SLC14A2: variants seen among roughly 807,000 people sequenced by gnomAD.
SLC14A2 encodes the protein urea transporter 2.
SLC14A2 carries 91 observed loss-of-function variants against 104.6 expected under a neutral mutation model. The ratio of observed to expected loss-of-function variants is 0.87; its 90% CI spans 0.73 to 1.04. The LOEUF is 1.04. Among genes scored for constraint, SLC14A2 ranks in the 50% least tolerant of loss-of-function variants. SLC14A2 has a pLI of 0.00. For missense variants in SLC14A2, 1,189 were observed against 1,156.0 expected, an observed-to-expected ratio of 1.03 and a Z score of -0.41; for synonymous variants, 476 against 466.4, an observed-to-expected ratio of 1.02 and a Z score of -0.27.
intron 2 of SLC14A2, among the ~76,000 whole-genome samples, chr18:45,526,889 A>T (rs1277231115): frequency 6.6e-6 from 1 of 152,222 alleles, no homozygotes; most frequent in African/African-American, 2.4e-5. Flanking sequence ...GCATGAATAG[A>T]GAAAACTTAA....
At chr18:45,224,380 G>T (rs2084093402) in intron 1 of SLC14A2, among the ~76,000 whole-genome samples, 1 of 152,218 alleles carries the variant, frequency 6.6e-6, no homozygotes, top group Non-Finnish European at 1.5e-5. Flanking sequence ...AACCTTGAAA[G>T]CTTATCACGA....
chr18:45,649,298 A>C (rs2045688023), intron 10 of SLC14A2, among the ~76,000 whole-genome samples: 1 of 152,234 alleles, frequency 6.6e-6, no homozygotes, highest in African/African-American at 2.4e-5. Flanking sequence ...TGAGGAACTA[A>C]GGCCTTTGAA....
At chr18:45,429,561 C>G (rs981111745) in intron 1 of SLC14A2, among the ~76,000 whole-genome samples, 4 of 152,190 alleles carry the variant, frequency 2.6e-5, no homozygotes, top group Non-Finnish European at 4.4e-5. Context: ...GTGATATGGA[C>G]AGCAAGTAGC....
chr18:45,390,684 A>G (rs921127461), intron 1 of SLC14A2, among the ~76,000 whole-genome samples: 1 of 152,114 alleles, frequency 6.6e-6, no homozygotes, highest in African/African-American at 2.4e-5. Flanking sequence ...TTCAGATGGG[A>G]TGGTCAGGTC....
At chr18:45,541,999 A>T (rs892333415) in intron 2 of SLC14A2, among the ~76,000 whole-genome samples, 2 of 129,420 alleles carry the variant, frequency 1.5e-5, no homozygotes, top group African/African-American at 5.7e-5. Context: ...TACAAGGAGC[A>T]TCTTTCCTAG....
the SLC14A2 span, among the ~76,000 whole-genome samples, chr18:45,190,606 T>C: frequency 6.6e-6 from 1 of 152,180 alleles, no homozygotes; most frequent in Non-Finnish European, 1.5e-5. Flanking sequence ...CTGGTTCACT[T>C]CCTGGTTTGT....
chr18:45,179,305 T>C, the SLC14A2 span, among the ~76,000 whole-genome samples: 1 of 152,182 alleles, frequency 6.6e-6, no homozygotes, highest in Admixed American at 6.5e-5. Flanking sequence ...GATGTGGCCT[T>C]CTGTCATCGC....
intron 1 of SLC14A2, among the ~76,000 whole-genome samples, chr18:45,421,905 C>A (rs184921959): frequency 6.6e-5 from 10 of 152,316 alleles, no homozygotes; most frequent in Admixed American, 5.9e-4. Flanking sequence ...TTTCAGCAGA[C>A]AAGGTAGGCT....
At chr18:45,577,429 T>G (rs1351183800) in intron 2 of SLC14A2, among the ~76,000 whole-genome samples, 1 of 152,174 alleles carries the variant, frequency 6.6e-6, no homozygotes, top group Non-Finnish European at 1.5e-5. Context: ...TCAAGAGAAT[T>G]GGACTTCACC....
chr18:45,578,920 G>A (rs2044451607), intron 2 of SLC14A2, among the ~76,000 whole-genome samples: 1 of 152,228 alleles, frequency 6.6e-6, no homozygotes, highest in Admixed American at 6.5e-5. Flanking sequence ...GTGTCTGTGG[G>A]CAGCTAGAAG....
At chr18:45,660,758 A>G (rs2045924109) in intron 10 of SLC14A2, among the ~76,000 whole-genome samples, 1 of 152,214 alleles carries the variant, frequency 6.6e-6, no homozygotes, top group South Asian at 2.1e-4. Flanking sequence ...TCATTTCTAA[A>G]CATTTGATAG....
intron 1 of SLC14A2, among the ~76,000 whole-genome samples, chr18:45,339,558 A>G (rs1221573379): frequency 6.6e-6 from 1 of 151,986 alleles, no homozygotes; most frequent in Non-Finnish European, 1.5e-5. Flanking sequence ...AAATGAACAC[A>G]CACACACACA....
chr18:45,469,629 T>C (rs747096055), intron 1 of SLC14A2, among the ~76,000 whole-genome samples: 1 of 152,306 alleles, frequency 6.6e-6, no homozygotes, highest in East Asian at 1.9e-4. Flanking sequence ...ATTAATTGTT[T>C]CCTGTGCCTG....
intron 1 of SLC14A2, among the ~76,000 whole-genome samples, chr18:45,344,056 T>A (rs2085423374): frequency 6.6e-6 from 1 of 152,232 alleles, no homozygotes; most frequent in Non-Finnish European, 1.5e-5. Flanking sequence ...ATAACTTTCA[T>A]CAAAGTATGT....
At chr18:45,242,214 C>G (rs919402349) in intron 1 of SLC14A2, among the ~76,000 whole-genome samples, 1 of 152,140 alleles carries the variant, frequency 6.6e-6, no homozygotes, top group Non-Finnish European at 1.5e-5. Context: ...TTGTAATTTC[C>G]TCACACTGTA....
intron 1 of SLC14A2, among the ~76,000 whole-genome samples, chr18:45,482,887 T>C (rs2087523417): frequency 1.3e-5 from 2 of 152,194 alleles, no homozygotes; most frequent in Non-Finnish European, 1.5e-5. Flanking sequence ...GTTTATTTAC[T>C]GGCAAAGGAT....
intron 2 of SLC14A2, among the ~76,000 whole-genome samples, chr18:45,514,331 A>G (rs1293164958): frequency 6.6e-6 from 1 of 152,154 alleles, no homozygotes; most frequent in Admixed American, 6.5e-5. Context: ...GATGCTACAC[A>G]CTTTCAAACA....
chr18:45,199,412 AT>A, the SLC14A2 span, among the ~76,000 whole-genome samples: 8 of 151,934 alleles, frequency 5.3e-5, no homozygotes, highest in South Asian at 2.1e-4. Flanking sequence ...TTTCTCTGTC[AT>A]TTTTTTTAAA....
chr18:45,284,693 T>C (rs1271280824), intron 1 of SLC14A2, among the ~76,000 whole-genome samples: 1 of 152,146 alleles, frequency 6.6e-6, no homozygotes, highest in Admixed American at 6.5e-5. Context: ...TGGTTGGATG[T>C]TGACTGATGA....
Sources: gnomAD v4.1 joint callset for allele counts (sites outside exome capture counted in the v4.1 genomes callset) on GRCh38, gnomAD v4.1.1 for gene constraint, MANE v1.5 for transcripts, NCBI Gene and HGNC (gene_info 2026-07-23, HGNC 2026-07-21) for gene names.